The following PSD3 variants were observed in gnomAD, a reference collection of about 807,000 sequenced individuals.
PSD3 encodes the protein PH and SEC7 domain-containing protein 3.
PSD3 carries 49 observed loss-of-function variants against 105.5 expected under a neutral mutation model. The ratio of observed to expected loss-of-function variants is 0.46; its 90% CI spans 0.37 to 0.59. The LOEUF (loss-of-function observed/expected upper bound fraction) is 0.59. PSD3 is among the 20% of genes least tolerant of loss of function. PSD3 has a pLI of 0.00. For missense variants in PSD3, 1,561 were observed against 1,263.8 expected, an observed-to-expected ratio of 1.24 and a Z score of -3.57; for synonymous variants, 557 against 457.8, an observed-to-expected ratio of 1.22 and a Z score of -2.77.
chr8:19,069,743 A>T (rs1829191994), intron 1 of PSD3, among the ~76,000 whole-genome samples: 1 of 152,204 alleles, frequency 6.6e-6, no homozygotes, highest in Non-Finnish European at 1.5e-5. Flanking sequence ...ATTTGCCCTG[A>T]ATCACTCAGC....
intron 9 of PSD3, among the ~76,000 whole-genome samples, chr8:18,747,084 T>C (rs888627521): frequency 2.0e-5 from 3 of 152,330 alleles, no homozygotes; most frequent in East Asian, 3.9e-4. Context: ...TAGAACCCTA[T>C]AGATTTTAAG....
chr8:18,577,004 A>C (rs191342033), intron 12 of PSD3, among the ~76,000 whole-genome samples: 2 of 151,714 alleles, frequency 1.3e-5, no homozygotes, highest in Admixed American at 1.3e-4. Context: ...ATGATTACCT[A>C]GTTCTTTTGT....
At chr8:18,970,324 CAAAAAAAAAAAAAA>C (rs11450922) in intron 1 of PSD3, among the ~76,000 whole-genome samples, 1 of 45,310 alleles carries the variant, frequency 2.2e-5, no homozygotes, top group African/African-American at 9.2e-5. Flanking sequence ...GACTCTGCCT[CAAAAAAAAAAAAAA>C]AAAAAAAAAA....
At chr8:18,822,600 G>C (rs1812835201) in intron 4 of PSD3, among the ~76,000 whole-genome samples, 1 of 152,212 alleles carries the variant, frequency 6.6e-6, no homozygotes, top group Admixed American at 6.5e-5. Context: ...CCTAGCGACA[G>C]TCTCTGCCTC....
At chr8:18,701,976 T>C (rs527722932) in intron 9 of PSD3, among the ~76,000 whole-genome samples, 1 of 152,318 alleles carries the variant, frequency 6.6e-6, no homozygotes, top group Admixed American at 6.5e-5. Context: ...TGAAATTACA[T>C]GAAAGAGCTG....
At chr8:18,580,420 A>G in intron 12 of PSD3, among the ~76,000 whole-genome samples, 1 of 152,118 alleles carries the variant, frequency 6.6e-6, no homozygotes, top group Non-Finnish European at 1.5e-5. Context: ...TGGTTTTGTA[A>G]AAACCAAAAA....
intron 15 of PSD3, among the ~76,000 whole-genome samples, chr8:18,543,303 C>T (rs1438598201): frequency 3.9e-5 from 6 of 151,958 alleles, no homozygotes; most frequent in South Asian, 2.1e-4. Flanking sequence ...AGCTGATCTT[C>T]GATTATCTGT....
chr8:18,817,112 G>A (rs985330036), intron 4 of PSD3, among the ~76,000 whole-genome samples: 1 of 152,186 alleles, frequency 6.6e-6, no homozygotes, highest in African/African-American at 2.4e-5. Flanking sequence ...GGGAAGAGGA[G>A]TTAAAGAGTC....
intron 4 of PSD3, among the ~76,000 whole-genome samples, chr8:18,812,117 C>T (rs902986772): frequency 1.3e-5 from 2 of 152,152 alleles, no homozygotes; most frequent in African/African-American, 4.8e-5. Flanking sequence ...TAATTTTTAT[C>T]ACAACAACTG....
chr8:18,818,688 C>T (rs1406888046), intron 4 of PSD3, among the ~76,000 whole-genome samples: 1 of 151,960 alleles, frequency 6.6e-6, no homozygotes, highest in Non-Finnish European at 1.5e-5. Context: ...TCCATACCCC[C>T]CCCAACAACC....
At chr8:18,623,452 A>C (rs1202265671) in intron 11 of PSD3, among the ~76,000 whole-genome samples, 5 of 148,258 alleles carry the variant, frequency 3.4e-5, no homozygotes, top group African/African-American at 9.9e-5. Context: ...TCTCCCCAAA[A>C]AAAAAAAAAA....
chr8:18,577,992 T>A (rs1470880080), intron 12 of PSD3, among the ~76,000 whole-genome samples: 1 of 152,110 alleles, frequency 6.6e-6, no homozygotes, highest in East Asian at 1.9e-4. Flanking sequence ...TTCATTTCTT[T>A]GATAGGTATA....
intron 1 of PSD3, among the ~76,000 whole-genome samples, chr8:19,080,168 C>T (rs1273899369): frequency 1.3e-5 from 2 of 152,158 alleles, no homozygotes; most frequent in Non-Finnish European, 2.9e-5. Flanking sequence ...GGATTACAGG[C>T]GTAAGCCACC....
intron 4 of PSD3, among the ~76,000 whole-genome samples, chr8:18,847,224 T>A (rs1002651034): frequency 2.6e-5 from 4 of 152,194 alleles, no homozygotes; most frequent in Non-Finnish European, 5.9e-5. Flanking sequence ...GAGACTGCAG[T>A]ATGATCTCCT....
chr8:18,584,581 A>C (rs1279932433), intron 12 of PSD3, among the ~76,000 whole-genome samples: 1 of 152,252 alleles, frequency 6.6e-6, no homozygotes, highest in Non-Finnish European at 1.5e-5. Flanking sequence ...ACAACCTATT[A>C]TACTAACAAA....
At chr8:18,910,585 T>A (rs1820145586) in intron 2 of PSD3, among the ~76,000 whole-genome samples, 1 of 114,768 alleles carries the variant, frequency 8.7e-6, no homozygotes, top group Non-Finnish European at 1.7e-5. Flanking sequence ...CATGTATACA[T>A]ATGTAACTAA....
Position 18,532,827 on chromosome 8 carries a change from G to A in PSD3, c.*2916C>T, listed in dbSNP as rs777378506. ...TTCAGATTTTATACATGGGCCACCT[G>A]TATGGTCAATTTTGCAACAACACTA... On this transcript the variant is annotated 3_prime_UTR_variant, in exon 16 of 16. Transcript: ENST00000327040. 1 of 152,180 alleles carries A rather than the reference G, an allele frequency of 6.6e-6. No homozygotes were observed. Among genetic ancestry groups the A allele is most frequent in the Non-Finnish European group, 1.5e-5 (1 of 68,026 alleles). The allele number at this position is 152,180 out of a possible 1,614,324, so 9.4% of individuals were successfully genotyped here.
At chr8:18,753,837 T>A (rs1805801528) in intron 9 of PSD3, among the ~76,000 whole-genome samples, 1 of 152,304 alleles carries the variant, frequency 6.6e-6, no homozygotes, top group Non-Finnish European at 1.5e-5. Flanking sequence ...ACTAAGTACA[T>A]CCATTACTTT....
At chr8:18,677,208 A>G (rs916571495) in intron 9 of PSD3, among the ~76,000 whole-genome samples, 1 of 152,190 alleles carries the variant, frequency 6.6e-6, no homozygotes, top group African/African-American at 2.4e-5. Flanking sequence ...GGAAATTAAG[A>G]GGTGGGCAGC....
Sources: allele counts gnomAD v4.1 joint callset (sites outside exome capture counted in the v4.1 genomes callset), GRCh38; gene constraint gnomAD v4.1.1; transcripts MANE v1.5; gene names NCBI Gene and HGNC (gene_info 2026-07-23, HGNC 2026-07-21).